The following OPN1LW variants were observed in gnomAD, a reference collection of about 807,000 sequenced individuals.
OPN1LW encodes the protein long-wave-sensitive opsin 1.
A neutral mutation model predicts 18.1 loss-of-function variants in OPN1LW; 4 were observed. The observed-to-expected ratio is 0.22, with a 90% CI of 0.11 to 0.51. The LOEUF (loss-of-function observed/expected upper bound fraction) is 0.51. Among genes scored for constraint, OPN1LW ranks in the 20% least tolerant of loss-of-function variants. OPN1LW has a pLI of 0.97. For synonymous variants in OPN1LW, 86 were observed against 101.2 expected (o/e 0.85, Z 0.90); for missense variants, 164 against 234.9 (o/e 0.70, Z 1.97).
intron 1 of OPN1LW, among the ~76,000 whole-genome samples, chrX:154,148,310 G>C (rs1247333744): frequency 9.7e-6 from 1 of 103,467 alleles, no homozygotes; most frequent in African/African-American, 4.2e-5. Flanking sequence ...CTGTCACCCC[G>C]GCTGGAGTGC....
rs1442668225 is a variant in OPN1LW, at chrX:154,149,361, C to T, written c.113-1295C>T. 2.9e-5 allele frequency among the ~76,000 whole-genome samples: 3 copies of T among 101,840 alleles called. 1 individual carries two copies. The highest frequency in any genetic ancestry group is 4.3e-5 in the African/African-American group (1 of 23,138). 88.4% of individuals were successfully genotyped at this position (101,840 alleles called of 115,157 possible). A position where few individuals can be genotyped will look rare whatever the true frequency, so the allele number is the denominator to read the frequency against. On this transcript the variant is annotated intron_variant, in intron 1 of 5. Transcript: ENST00000369951. ...TGGTCAACATGGTGAAACCCCATGT[C>T]TACTAAAAGCACAAAAATTAGCTGG...
chrX:154,149,786 A>G lies in OPN1LW; in HGVS notation c.113-870A>G, dbSNP rs1386566870. On this transcript the variant is annotated intron_variant, in intron 1 of 5. Transcript: ENST00000369951. ...TCTTGTTTGTTTTAATTAAAAAAAA[A>G]TTTTTTTTACATGGGCATGCCATGT... 2.3e-4 allele frequency among the ~76,000 whole-genome samples: 5 copies of G among 22,137 alleles called. No individual in the cohort carries two copies. The East Asian group carries it at 5.4e-3, about 24-fold the overall frequency. The allele number at this position is 22,137 out of a possible 115,157, so 19.2% of individuals were successfully genotyped here.
At chrX:154,149,198 C>T (rs1415479825) in intron 1 of OPN1LW, among the ~76,000 whole-genome samples, 12 of 91,190 alleles carry the variant, frequency 1.3e-4, no homozygotes, top group East Asian at 3.2e-4. Context: ...GAGCAAGACT[C>T]CGTCTCAAAA....
In OPN1LW at chrX:154,156,481, C is replaced by T. The variant is rs782520080; in HGVS notation, c.932C>T (p.Ala311Val). 8.3e-7 allele frequency: 1 copy of T among 1,204,598 alleles called. No individual in the cohort carries two copies. Among genetic ancestry groups the T allele is most frequent in the Non-Finnish European group, 1.1e-6 (1 of 890,429 alleles). ...ATGGCTGCCCTGCCGGCCTACTTTG[C>T]CAAAAGTGCCACTATCTACAACCCC... ...PLMAALPAYF[A>V]KSATIYNPVI... The change falls in exon 5 of 6, where the codon GCC becomes GTC. Residue 311 changes from alanine (A) to valine (V), a missense_variant. Physicochemically the swap from Ala to Val is moderately conservative, Grantham distance 64. Transcript: ENST00000369951.
At position 154,154,563 on chromosome X, in the gene OPN1LW, CT is replaced by C. The variant is rs2067079725; in HGVS notation, c.579-9del. 8.7e-7 allele frequency: 1 copy of C among 1,155,596 alleles called. No individual in the cohort carries two copies. The highest frequency in any genetic ancestry group is 2.0e-5 in the African/African-American group (1 of 51,204). On this transcript the variant is annotated splice_polypyrimidine_tract_variant and intron_variant, in intron 3 of 5. Transcript: ENST00000369951. ...CCTGCATCAGGACTGGCTGCCGGCCCTTCTCTCCAGGTACTGGCCCCACGGC... is the reference window on the plus strand; with the variant it reads ...CCTGCATCAGGACTGGCTGCCGGCCCTCTCTCCAGGTACTGGCCCCACGGC...
At chrX:154,154,135 T>A (rs1387819639) in intron 3 of OPN1LW, among the ~76,000 whole-genome samples, 1 of 95,276 alleles carries the variant, frequency 1.0e-5, no homozygotes, top group Non-Finnish European at 2.0e-5. Context: ...TAGCTAATTT[T>A]TTTTATTTTT....
At chrX:154,156,061 A>G (rs2148785091) in intron 4 of OPN1LW, among the ~76,000 whole-genome samples, 1 of 30,072 alleles carries the variant, frequency 3.3e-5, no homozygotes, top group East Asian at 1.0e-3. Context: ...GGAGCTTGTT[A>G]GATCCAGCTC....
Position 154,156,394 on chromosome X carries a change from G to A in OPN1LW, c.845G>A (p.Gly282Glu). Residue 282 changes from glycine (G) to glutamate (E), a missense_variant, in exon 5 of 6, where the codon GGA becomes GAA. Physicochemically the swap from Gly to Glu is moderately conservative, Grantham distance 98. Around this residue, in one of 3 missense-constraint regions of OPN1LW, gnomAD observed 53 missense variants for 50.2 expected, o/e 1.06. Transcript: ENST00000369951. ...VMIFAYCVCWGPYTFFACFAA... is the reference protein window; with the variant it reads ...VMIFAYCVCWEPYTFFACFAA... Reference sequence around the variant, plus strand: ...ATCTTTGCGTACTGCGTCTGCTGGGGACCCTACACCTTCTTCGCATGCTTT... The same window carrying A: ...ATCTTTGCGTACTGCGTCTGCTGGGAACCCTACACCTTCTTCGCATGCTTT... 1 of 1,205,029 alleles carries A rather than the reference G, an allele frequency of 8.3e-7. No homozygotes were observed. Among genetic ancestry groups the A allele is most frequent in the Non-Finnish European group, 1.1e-6 (1 of 890,492 alleles).
chrX:154,151,008 C>T (rs1603345229), intron 2 of OPN1LW, 56 bp downstream of exon 2: 3 of 1,172,427 alleles, frequency 2.6e-6, no homozygotes, highest in East Asian at 3.0e-5. Context: ...CTGCAAGCTC[C>T]TCCAGCCACC....
chrX:154,156,122 CT>C (rs1381007100), intron 4 of OPN1LW, among the ~76,000 whole-genome samples, 171 bp from the exon 5 acceptor site: 1 of 54,219 alleles, frequency 1.8e-5, no homozygotes, highest in Non-Finnish European at 3.5e-5. Flanking sequence ...AATTCTAGAA[CT>C]CCCCCAGGGC....
At chrX:154,148,403 C>T (rs1174330728) in intron 1 of OPN1LW, among the ~76,000 whole-genome samples, 4 of 103,010 alleles carry the variant, frequency 3.9e-5, no homozygotes, top group Non-Finnish European at 7.6e-5. Flanking sequence ...GTAGCTGGGA[C>T]TACAGGCGCC....
At chrX:154,144,483 C>T in intron 1 of OPN1LW, 88 bp downstream of exon 1, 1 of 649,772 alleles carries the variant, frequency 1.5e-6, no homozygotes, top group Admixed American at 3.4e-5. Flanking sequence ...CTCTCTTCTG[C>T]ACGTCCCCAC....
chrX:154,151,128 A>G (rs1557157499), intron 2 of OPN1LW, among the ~76,000 whole-genome samples, 176 bp downstream of exon 2: 1 of 96,030 alleles, frequency 1.0e-5, no homozygotes, highest in Non-Finnish European at 2.0e-5. Flanking sequence ...CACTCACATT[A>G]AATTCAGCTC....
Position 154,156,430 on chromosome X carries a change from A to G in OPN1LW, c.881A>G (p.Asn294Ser). 1.7e-6 allele frequency: 2 copies of G among 1,204,633 alleles called. No individual in the cohort carries two copies. The highest frequency in any genetic ancestry group is 2.2e-6 in the Non-Finnish European group (2 of 890,399). Residue 294 changes from asparagine (N) to serine (S), a missense_variant, in exon 5 of 6, where the codon AAC (asparagine) becomes AGC (serine). Physicochemically the swap from Asn to Ser is conservative, Grantham distance 46. Coordinates refer to ENST00000369951, the MANE Select transcript of OPN1LW (RefSeq NM_020061.6). Reference protein sequence around the residue: ...YTFFACFAAANPGYAFHPLMA... With the variant: ...YTFFACFAAASPGYAFHPLMA... ...TTCTTCGCATGCTTTGCTGCTGCCA[A>G]CCCTGGTTACGCCTTCCACCCTTTG...
intron 1 of OPN1LW, among the ~76,000 whole-genome samples, chrX:154,149,754 C>G (rs1211605671): frequency 2.3e-5 from 1 of 43,458 alleles, no homozygotes; most frequent in Non-Finnish European, 3.7e-5. Context: ...ACTCTAGGGA[C>G]TCTTTTTCTT....
At position 154,154,739 on chromosome X, in the gene OPN1LW, G is replaced by A. The variant is rs139583770; in HGVS notation, c.744G>A (p.Ala248=). Residue 248 remains alanine (A), a splice_region_variant and synonymous_variant, in exon 4 of 6, where the codon GCG becomes GCA. Coordinates refer to ENST00000369951, the MANE Select transcript of OPN1LW (RefSeq NM_020061.6). ...CYLQVWLAIR[A]VAKQQKESES... ...TCCAAGTGTGGCTGGCCATCCGAGC[G>A]GTAAGCCCCCCGATTCCTCCTGGCC... 4.0e-5 allele frequency: 47 copies of A among 1,185,625 alleles called. No individual in the cohort carries two copies. The highest frequency in any genetic ancestry group is 4.4e-5 in the Non-Finnish European group (39 of 881,252).
intron 1 of OPN1LW, among the ~76,000 whole-genome samples, chrX:154,148,984 T>C (rs1233797898): frequency 2.9e-5 from 3 of 103,528 alleles, no homozygotes; most frequent in African/African-American, 1.3e-4. Flanking sequence ...GGCAGGCGGA[T>C]CACGAGGTCA....
In OPN1LW at chrX:154,154,686, C is replaced by A; in HGVS notation, c.691C>A (p.Pro231Thr). The A allele has an allele frequency of 8.4e-7, 1 of 1,194,529 alleles. No individual in the cohort carries two copies. Among genetic ancestry groups the A allele is most frequent in the Non-Finnish European group, 1.1e-6 (1 of 883,837 alleles). ...IVLMVTCCIIPLAIIMLCYLQ... is the reference protein window; with the variant it reads ...IVLMVTCCIITLAIIMLCYLQ... ...CCTCATGGTCACCTGCTGCATCATCCCACTCGCTATCATCATGCTCTGCTA... is the reference window on the plus strand; with the variant it reads ...CCTCATGGTCACCTGCTGCATCATCACACTCGCTATCATCATGCTCTGCTA... Residue 231 changes from proline to threonine, a missense_variant, in exon 4 of 6, where the codon CCA becomes ACA. Around this residue, in one of 3 missense-constraint regions of OPN1LW, gnomAD observed 106 missense variants for 167.7 expected, o/e 0.63. Transcript: ENST00000369951.
chrX:154,149,439 G>A (rs1409093290), intron 1 of OPN1LW, among the ~76,000 whole-genome samples: 2 of 98,602 alleles, frequency 2.0e-5, no homozygotes, highest in Non-Finnish European at 3.9e-5. Flanking sequence ...GGCTGAGGCA[G>A]GAGAATTGCT....
Sources: gnomAD v4.1 joint callset for allele counts (sites outside exome capture counted in the v4.1 genomes callset) on GRCh38, gnomAD v4.1.1 for gene constraint, gnomAD v4.1.1 regional missense constraint, MANE v1.5 for transcripts, NCBI Gene and HGNC (gene_info 2026-07-23, HGNC 2026-07-21) for gene names.